The following IGSF11 variants were observed in gnomAD, a reference collection of about 807,000 sequenced individuals.
IGSF11 encodes CXADR like 1.
In IGSF11, 22 loss-of-function variants were observed where a neutral mutation model predicts 41.0. The ratio of observed to expected loss-of-function variants is 0.54; its 90% CI spans 0.38 to 0.77. The LOEUF (loss-of-function observed/expected upper bound fraction) is 0.77, where lower values mean the gene tolerates loss of function less well. Ranked by LOEUF, IGSF11 falls within the 30% of genes least tolerant of loss-of-function variation. The probability of loss-of-function intolerance (pLI) is 0.00; values close to 1 mark genes in which losing one functional copy is unlikely to be tolerated. For synonymous variants in IGSF11, 219 were observed against 201.3 expected (o/e 1.09, Z -0.74); for missense variants, 444 against 530.8 (o/e 0.84, Z 1.61).
chr3:119,113,502 T>C (rs2077212981), intron 1 of IGSF11, among the ~76,000 whole-genome samples: 1 of 152,196 alleles, frequency 6.6e-6, no homozygotes, highest in South Asian at 2.1e-4. Context: ...CAAAATAACC[T>C]CCTTTGACTC....
In IGSF11 at chr3:119,145,869, G is replaced by A. The variant is rs773043588; in HGVS notation, c.-70C>T. On this transcript the variant is annotated 5_prime_UTR_variant, in exon 1 of 8. Coordinates refer to the IGSF11 transcript ENST00000425327. ...GAGAACCTCTGTGAACAAGGAAGAG[G>A]GTAACACTCTAGGTGGCGATGCACG... 3 of 288,110 alleles carry A rather than the reference G, an allele frequency of 1.0e-5. No homozygotes were observed. In the Admixed American group the frequency reaches 1.5e-4, roughly 14 times the overall value. 17.8% of individuals were successfully genotyped at this position (288,110 alleles called of 1,614,324 possible).
intron 1 of IGSF11, among the ~76,000 whole-genome samples, chr3:119,104,177 T>A (rs1026357283): frequency 2.0e-5 from 3 of 152,212 alleles, no homozygotes; most frequent in Non-Finnish European, 2.9e-5. Flanking sequence ...CAGCATGATC[T>A]AAAGTGCAAG....
chr3:119,000,063 C>CTTTTTTTTTTTTTTT (rs1297321950), intron 1 of IGSF11, among the ~76,000 whole-genome samples: 2 of 98,750 alleles, frequency 2.0e-5, no homozygotes, highest in South Asian at 3.2e-4. Flanking sequence ...ATTCATTATT[C>CTTTTTTTTTTTTTTT]TTTTTTTTTT....
intron 1 of IGSF11, among the ~76,000 whole-genome samples, chr3:118,962,012 T>A (rs932728424): frequency 1.3e-5 from 2 of 152,216 alleles, no homozygotes; most frequent in Admixed American, 6.5e-5. Context: ...TACAGATAGG[T>A]AATTATATGG....
intron 1 of IGSF11, among the ~76,000 whole-genome samples, chr3:119,120,470 G>A (rs2077317217): frequency 6.6e-6 from 1 of 152,154 alleles, no homozygotes; most frequent in Non-Finnish European, 1.5e-5. Flanking sequence ...AGAAGAGAGA[G>A]AAAAAAGGTT....
chr3:119,034,507 G>A (rs200219429), intron 1 of IGSF11, 24 bp downstream of exon 1: 3 of 1,547,578 alleles, frequency 1.9e-6, no homozygotes, highest in African/African-American at 2.8e-5. Flanking sequence ...GCCCCACCGG[G>A]AAGAAAGGGC....
Position 119,045,852 on chromosome 3 carries a change from C to T in IGSF11, c.49+59292G>A, listed in dbSNP as rs571719705. Among the ~76,000 whole-genome samples, 7 of 152,052 alleles carry T rather than the reference C, an allele frequency of 4.6e-5. No individual in the cohort carries two copies. The South Asian group carries it at 1.3e-3, about 27-fold the overall frequency. On this transcript the variant is annotated intron_variant, in intron 1 of 6. Transcript: ENST00000354673. Reference sequence around the variant, plus strand: ...TCCCTGACCCCTGACCCCCGAGCAGCCTAACTGGGAGGCACCCCCCAGCAG... The same window carrying T: ...TCCCTGACCCCTGACCCCCGAGCAGTCTAACTGGGAGGCACCCCCCAGCAG...
At chr3:118,949,850 TAG>T in intron 1 of IGSF11, among the ~76,000 whole-genome samples, 2 of 152,312 alleles carry the variant, frequency 1.3e-5, no homozygotes, top group South Asian at 4.1e-4. Context: ...CTGTTCCAGG[TAG>T]ATCAAAAAGC....
At chr3:119,058,895 G>C (rs1576746153) in intron 1 of IGSF11, among the ~76,000 whole-genome samples, 1 of 151,586 alleles carries the variant, frequency 6.6e-6, no homozygotes, top group East Asian at 1.9e-4. Flanking sequence ...AACACCACAT[G>C]TTCTCACTCA....
At chr3:119,140,808 C>T (rs181443990) in intron 1 of IGSF11, among the ~76,000 whole-genome samples, 162 of 151,886 alleles carry the variant, frequency 1.1e-3, no homozygotes, top group African/African-American at 3.9e-3. Context: ...CTTTGGGAGG[C>T]CGAGGAGGGT....
At chr3:119,036,253 G>A (rs1940895913), upstream of IGSF11, among the ~76,000 whole-genome samples, 1 of 152,166 alleles carries the variant, frequency 6.6e-6, no homozygotes, top group African/African-American at 2.4e-5. Context: ...AGAAATAAAT[G>A]ATATGACAGT....
chr3:119,134,055 G>A (rs560067958), intron 1 of IGSF11, among the ~76,000 whole-genome samples: 2 of 152,122 alleles, frequency 1.3e-5, no homozygotes, highest in Non-Finnish European at 2.9e-5. Context: ...GGTATTGATG[G>A]AACACATCTC....
At chr3:119,072,279 C>T (rs533799483) in intron 1 of IGSF11, among the ~76,000 whole-genome samples, 33 of 152,264 alleles carry the variant, frequency 2.2e-4, no homozygotes, top group African/African-American at 7.5e-4. Context: ...GAAACTGTCC[C>T]CAAATCAGAG....
At chr3:118,931,356 G>A (rs1241896772) in intron 1 of IGSF11, among the ~76,000 whole-genome samples, 1 of 152,154 alleles carries the variant, frequency 6.6e-6, no homozygotes, top group Non-Finnish European at 1.5e-5. Flanking sequence ...GTCCATGAAT[G>A]TTCATAACAG....
intron 1 of IGSF11, among the ~76,000 whole-genome samples, chr3:118,969,382 C>T (rs1466407267): frequency 6.6e-6 from 1 of 152,074 alleles, no homozygotes; most frequent in Admixed American, 6.6e-5. Context: ...AGCAGTTAGG[C>T]GGGAAGCTGA....
chr3:119,098,846 G>T (rs1164820880), intron 1 of IGSF11, among the ~76,000 whole-genome samples: 1 of 152,184 alleles, frequency 6.6e-6, no homozygotes, highest in Non-Finnish European at 1.5e-5. Context: ...ACACAAAGGT[G>T]ATGTCCTCAA....
chr3:119,037,341 G>A (rs1344859733), upstream of IGSF11, among the ~76,000 whole-genome samples: 1 of 152,180 alleles, frequency 6.6e-6, no homozygotes, highest in African/African-American at 2.4e-5. Context: ...GGTAAGGCAT[G>A]TATGATGACC....
At chr3:118,910,436 C>A (rs766859695) in intron 4 of IGSF11, among the ~76,000 whole-genome samples, 2 of 152,120 alleles carry the variant, frequency 1.3e-5, no homozygotes, top group Non-Finnish European at 2.9e-5. Flanking sequence ...TTGAATCTTA[C>A]CCTCCCCCAC....
chr3:119,043,724 C>CAA (rs1165059735), intron 1 of IGSF11, among the ~76,000 whole-genome samples: 1 of 152,154 alleles, frequency 6.6e-6, no homozygotes, highest in Non-Finnish European at 1.5e-5. Context: ...AGATGGATCA[C>CAA]AACATAGGAC....
Sources: allele counts gnomAD v4.1 joint callset (sites outside exome capture counted in the v4.1 genomes callset), GRCh38; gene constraint gnomAD v4.1.1; transcripts MANE v1.5; gene names NCBI Gene and HGNC (gene_info 2026-07-23, HGNC 2026-07-21).